Variants in SLC38A6 observed in about 807,000 individuals in gnomAD.
The protein encoded by SLC38A6 is solute carrier family 38 member 6, also known as N system amino acid transporter NAT-1.
Under a neutral mutation model 65.0 loss-of-function variants are expected in SLC38A6, and 73 were observed. The observed-to-expected ratio is 1.12, with a 90% CI of 0.93 to 1.37. The LOEUF (loss-of-function observed/expected upper bound fraction) is 1.37, where lower values mean the gene tolerates loss of function less well. Among genes scored for constraint, SLC38A6 ranks in the 40% most tolerant of loss-of-function variants. SLC38A6 has a pLI of 0.00. For missense variants in SLC38A6, 561 were observed against 531.1 expected (o/e 1.06, Z -0.55); for synonymous variants, 183 against 178.8 (o/e 1.02, Z -0.19).
intron 3 of SLC38A6, among the ~76,000 whole-genome samples, chr14:60,989,538 A>T (rs2139701000): frequency 6.6e-6 from 1 of 152,252 alleles, no homozygotes; most frequent in East Asian, 1.9e-4. Context: ...AGCCTGGGCA[A>T]CATGGTGAAA....
intron 3 of SLC38A6, 104 bp downstream of exon 3, chr14:60,984,907 T>C: frequency 9.2e-7 from 1 of 1,084,826 alleles, no homozygotes; most frequent in Non-Finnish European, 1.4e-6. Context: ...TGAGCATACA[T>C]TTTTATTAGA....
At chr14:61,021,134 A>C (rs2040323241) in intron 5 of SLC38A6, among the ~76,000 whole-genome samples, 1 of 152,102 alleles carries the variant, frequency 6.6e-6, no homozygotes. Context: ...AAGTTCCTTT[A>C]GCTCAAAAGT....
At chr14:60,983,741 TTAAAAAC>T (rs2037250253) in intron 2 of SLC38A6, among the ~76,000 whole-genome samples, 1 of 152,202 alleles carries the variant, frequency 6.6e-6, no homozygotes, top group African/African-American at 2.4e-5. Flanking sequence ...ATTTTTAAAA[TTAAAAAC>T]TATATGTGAC....
rs977633368 is a variant in SLC38A6 at position 61,050,546 on chromosome 14, T to G, written c.960T>G (p.Ser320Arg). The change falls in exon 13 of 16, where the codon AGT becomes AGG. Residue 320 changes from serine (S) to arginine (R), a missense_variant. Transcript: ENST00000267488. The stretch of plus-strand genomic sequence containing the variant: ...AGTCAGAATTACTAAAAGGTTATAG[T>G]AAATACTTATCACATGATGTTGTTG... ...KVESELLKGY[S>R]KYLSHDVVVM... 13 of 1,580,040 alleles carry G rather than the reference T, an allele frequency of 8.2e-6. No individual in the cohort carries two copies. In the African/African-American group the frequency reaches 1.7e-4, roughly 21 times the overall value.
chr14:61,033,126 G>A (rs571972630), intron 6 of SLC38A6, among the ~76,000 whole-genome samples: 12 of 151,924 alleles, frequency 7.9e-5, no homozygotes, highest in African/African-American at 1.7e-4. Context: ...TGATCTTGTC[G>A]GGGAATATGA....
chr14:61,075,146 G>A (rs965859051), intron 15 of SLC38A6, among the ~76,000 whole-genome samples: 4 of 152,096 alleles, frequency 2.6e-5, no homozygotes, highest in Non-Finnish European at 4.4e-5. Flanking sequence ...CTAACCCAGT[G>A]GTGGGAGTCT....
chr14:61,037,709 T>C, intron 8 of SLC38A6, 26 bp downstream of exon 8: 1 of 1,436,898 alleles, frequency 7.0e-7, no homozygotes, highest in Admixed American at 2.0e-5. Context: ...AATACATTGC[T>C]TATCTCCTCA....
chr14:60,994,668 C>T (rs1057007076), intron 3 of SLC38A6, among the ~76,000 whole-genome samples: 12 of 149,950 alleles, frequency 8.0e-5, no homozygotes, highest in African/African-American at 3.0e-4. Context: ...CATGCCATTG[C>T]ACTCCAGCCT....
intron 6 of SLC38A6, among the ~76,000 whole-genome samples, chr14:61,032,742 C>T (rs1271490875): frequency 6.6e-6 from 1 of 151,600 alleles, no homozygotes; most frequent in African/African-American, 2.4e-5. Context: ...AAGTAAGAAA[C>T]AAAATATGAT....
At chr14:61,073,550 A>G (rs1445848835) in intron 15 of SLC38A6, among the ~76,000 whole-genome samples, 3 of 152,190 alleles carry the variant, frequency 2.0e-5, no homozygotes, top group African/African-American at 7.2e-5. Flanking sequence ...CCTTGGATCT[A>G]TTATCAAATT....
intron 5 of SLC38A6, among the ~76,000 whole-genome samples, chr14:61,029,574 A>G (rs1242184660): frequency 6.6e-6 from 1 of 152,238 alleles, no homozygotes; most frequent in Non-Finnish European, 1.5e-5. Context: ...AAGTATTTAC[A>G]TATGAATGAG....
chr14:61,053,352 A>G (rs10148233), downstream of SLC38A6, among the ~76,000 whole-genome samples: 141,801 of 152,200 alleles, frequency 0.93, 66,443 homozygotes, highest in Non-Finnish European at 0.99. Context: ...GTGAACATTT[A>G]CGTGCATGTG....
chr14:60,985,642 A>G (rs549990527), intron 3 of SLC38A6, among the ~76,000 whole-genome samples: 2 of 152,354 alleles, frequency 1.3e-5, no homozygotes, highest in Non-Finnish European at 2.9e-5. Context: ...AGAAAAGTAG[A>G]TACACAAAAT....
At chr14:60,982,670 T>C (rs1328580041) in intron 2 of SLC38A6, 32 bp downstream of exon 2, 1 of 1,587,982 alleles carries the variant, frequency 6.3e-7, no homozygotes, top group Admixed American at 1.9e-5. Flanking sequence ...TCAAATTTTT[T>C]TTTCCATTTT....
chr14:61,014,736 C>A (rs897190632), intron 3 of SLC38A6, among the ~76,000 whole-genome samples: 1 of 152,136 alleles, frequency 6.6e-6, no homozygotes, highest in Non-Finnish European at 1.5e-5. Flanking sequence ...CCTGATCGTT[C>A]CTCTGGAAGT....
At chr14:61,014,637 A>T (rs1471913288) in intron 3 of SLC38A6, among the ~76,000 whole-genome samples, 1 of 152,130 alleles carries the variant, frequency 6.6e-6, no homozygotes, top group Non-Finnish European at 1.5e-5. Context: ...GTTGGAGTTT[A>T]CTGGAAGTCC....
intron 3 of SLC38A6, among the ~76,000 whole-genome samples, chr14:61,008,105 A>G (rs1221728306): frequency 6.6e-6 from 1 of 152,166 alleles, no homozygotes; most frequent in Non-Finnish European, 1.5e-5. Context: ...AAAGTTTGCT[A>G]CTCATAAATC....
At chr14:61,083,703 G>A in exon 17 of SLC38A6, 1 of 1,547,170 alleles carries the variant, frequency 6.5e-7, no homozygotes, top group Non-Finnish European at 8.7e-7. Flanking sequence ...CCAGAACTGT[G>A]AGCAAATAAA....
chr14:61,039,038 T>G (rs949478752), intron 8 of SLC38A6, among the ~76,000 whole-genome samples: 4 of 152,214 alleles, frequency 2.6e-5, no homozygotes, highest in African/African-American at 9.6e-5. Flanking sequence ...TATTGAATTT[T>G]TCTCTCACAG....
Sources: gnomAD v4.1 joint callset for allele counts (sites outside exome capture counted in the v4.1 genomes callset) on GRCh38, gnomAD v4.1.1 for gene constraint, MANE v1.5 for transcripts, NCBI Gene and HGNC (gene_info 2026-07-23, HGNC 2026-07-21) for gene names.